CTTNBP2: variants seen among roughly 807,000 people sequenced by gnomAD.
CTTNBP2 encodes the protein cortactin binding protein 2.
In CTTNBP2, 108 loss-of-function variants were observed where a neutral mutation model predicts 156.9. The observed-to-expected ratio is 0.69, with a 90% CI of 0.59 to 0.81. The LOEUF is 0.81. CTTNBP2 is among the 30% of genes least tolerant of loss of function. The pLI is 0.00. For missense variants in CTTNBP2, 1,924 were observed against 2,035.4 expected (o/e 0.95, Z 1.05); for synonymous variants, 767 against 751.8 (o/e 1.02, Z -0.33).
Position 117,866,413 on chromosome 7 carries a change from G to A in CTTNBP2, c.82-5097C>T, listed in dbSNP as rs557405604. On this transcript the variant is annotated intron_variant, in intron 1 of 22. Transcript: ENST00000160373. ...CTCAGATCTTTCCTCAAACACATCC[G>A]TCCTATCAGGGCTGCTGGGGGATAT... 8.5e-5 allele frequency among the ~76,000 whole-genome samples: 13 copies of A among 152,088 alleles called. No homozygotes were observed. The East Asian group carries it at 2.1e-3, about 25-fold the overall frequency.
chr7:117,766,777 T>C (rs575427661), intron 9 of CTTNBP2, among the ~76,000 whole-genome samples: 7 of 152,132 alleles, frequency 4.6e-5, no homozygotes, highest in Non-Finnish European at 7.4e-5. Flanking sequence ...AGAAAGACAA[T>C]CTAAGTCAGA....
At chr7:117,735,559 G>A (rs1396854976) in intron 14 of CTTNBP2, 138 bp from the exon 15 acceptor site, 1 of 701,194 alleles carries the variant, frequency 1.4e-6, no homozygotes, top group Non-Finnish European at 2.4e-6. Flanking sequence ...TGCTTGGGGA[G>A]TGAACAACTC....
Position 117,734,908 on chromosome 7 carries a change from G to C in CTTNBP2, c.3876+5C>G. 1.3e-6 allele frequency: 2 copies of C among 1,582,018 alleles called. No individual in the cohort carries two copies. Among genetic ancestry groups the C allele is most frequent in the Non-Finnish European group, 1.7e-6 (2 of 1,159,800 alleles). On this transcript the variant is annotated splice_donor_5th_base_variant and intron_variant, in intron 16 of 22. Coordinates refer to ENST00000160373, the MANE Select transcript of CTTNBP2 (RefSeq NM_033427.3). ...TGGCAACAGGCTGCACTTGCTGTTT[G>C]TTACCTTATTCACAACTTTCCTTCG...
At chr7:117,843,270 G>A (rs1286648960) in intron 2 of CTTNBP2, among the ~76,000 whole-genome samples, 2 of 152,132 alleles carry the variant, frequency 1.3e-5, no homozygotes, top group Non-Finnish European at 2.9e-5. Flanking sequence ...GTTCTAGGGG[G>A]TCCTGAAACC....
intron 2 of CTTNBP2, among the ~76,000 whole-genome samples, chr7:117,830,455 A>G (rs1010030282): frequency 6.6e-6 from 1 of 152,232 alleles, no homozygotes; most frequent in African/African-American, 2.4e-5. Flanking sequence ...TAGCTTGTGA[A>G]TGAGTGAACA....
intron 2 of CTTNBP2, among the ~76,000 whole-genome samples, chr7:117,819,036 C>T (rs191235919): frequency 1.4e-3 from 211 of 152,210 alleles, no homozygotes; most frequent in African/African-American, 4.6e-3. Context: ...TGTTATATCC[C>T]TCTCAAACCC....
intron 14 of CTTNBP2, among the ~76,000 whole-genome samples, chr7:117,744,486 C>T (rs928229973): frequency 3.3e-5 from 5 of 152,210 alleles, no homozygotes; most frequent in African/African-American, 1.2e-4. Flanking sequence ...TCTCTAGTTC[C>T]ATCCGTGTTG....
intron 1 of CTTNBP2, chr7:117,872,015 G>A: frequency 1.0e-6 from 1 of 961,306 alleles, no homozygotes; most frequent in African/African-American, 1.8e-5. Flanking sequence ...TCACATAAGT[G>A]GGCAGGTTTC....
chr7:117,750,321 T>C (rs2116588020), intron 12 of CTTNBP2, among the ~76,000 whole-genome samples: 1 of 152,320 alleles, frequency 6.6e-6, no homozygotes, highest in South Asian at 2.1e-4. Context: ...TGTAGGTTTT[T>C]AGGAAACACA....
At chr7:117,742,833 C>T (rs1398467718) in intron 14 of CTTNBP2, among the ~76,000 whole-genome samples, 2 of 152,226 alleles carry the variant, frequency 1.3e-5, no homozygotes, top group Non-Finnish European at 2.9e-5. Flanking sequence ...ACCTGGATTT[C>T]TGGCTTCTTC....
chr7:117,727,591 TACTAAACTGGATG>T (rs1795163729), intron 17 of CTTNBP2, among the ~76,000 whole-genome samples: 1 of 152,228 alleles, frequency 6.6e-6, no homozygotes, highest in Non-Finnish European at 1.5e-5. Flanking sequence ...ACAGAACCAT[TACTAAACTGGATG>T]GTAACAAATT....
At chr7:117,860,452 C>T (rs1803646825) in intron 2 of CTTNBP2, among the ~76,000 whole-genome samples, 1 of 151,936 alleles carries the variant, frequency 6.6e-6, no homozygotes, top group Non-Finnish European at 1.5e-5. Flanking sequence ...ACGCCATTCT[C>T]CTGCCTCAGC....
At chr7:117,730,644 A>G (rs1362512482) in intron 16 of CTTNBP2, among the ~76,000 whole-genome samples, 4 of 152,248 alleles carry the variant, frequency 2.6e-5, no homozygotes, top group African/African-American at 7.2e-5. Flanking sequence ...AGACGCTTGT[A>G]CACAGTGACT....
chr7:117,744,795 G>T (rs563063979), intron 14 of CTTNBP2, among the ~76,000 whole-genome samples: 2 of 152,294 alleles, frequency 1.3e-5, no homozygotes, highest in South Asian at 2.1e-4. Context: ...TACTCAGGAG[G>T]CTGAGGTGGA....
At chr7:117,718,142 G>T in intron 21 of CTTNBP2, 23 bp from the exon 22 acceptor site, 2 of 1,477,054 alleles carry the variant, frequency 1.4e-6, no homozygotes, top group Non-Finnish European at 1.9e-6. Context: ...GAATTTGCCC[G>T]GTCATGTCTC....
intron 2 of CTTNBP2, among the ~76,000 whole-genome samples, chr7:117,833,289 C>A (rs926349651): frequency 2.0e-5 from 3 of 152,190 alleles, no homozygotes; most frequent in African/African-American, 4.8e-5. Flanking sequence ...CTCTCTCTGC[C>A]TCCTGACTGA....
rs1165349172 is a variant in CTTNBP2, at chr7:117,735,394, G to C, written c.3563C>G (p.Pro1188Arg). 6.2e-7 allele frequency: 1 copy of C among 1,613,148 alleles called. No individual in the cohort carries two copies. The highest frequency in any genetic ancestry group is 1.3e-5 in the African/African-American group (1 of 74,844). ...AATGATGATGATTTTCTTCTTACTGGGAGATTGTTTCACTGGGATCAGACA... is the reference window on the plus strand; with the variant it reads ...AATGATGATGATTTTCTTCTTACTGCGAGATTGTTTCACTGGGATCAGACA... ...SACLIPVKQS[P>R]SKKKIIIILE... Residue 1188 changes from proline (P) to arginine (R), a missense_variant, in exon 15 of 23, where the codon CCC becomes CGC. Physicochemically the swap from Pro to Arg is moderately radical, Grantham distance 103. Transcript: ENST00000160373.
chr7:117,819,870 CTTTGA>C (rs1389207962), intron 2 of CTTNBP2, among the ~76,000 whole-genome samples: 3 of 152,170 alleles, frequency 2.0e-5, no homozygotes, highest in Non-Finnish European at 4.4e-5. Context: ...CATACCAAGA[CTTTGA>C]TTTATTTTGT....
In CTTNBP2 at chr7:117,838,538, C is replaced by T. The variant is rs566455061; in HGVS notation, c.189+22671G>A. Among the ~76,000 whole-genome samples the T allele has an allele frequency of 2.6e-5, 4 of 152,214 alleles. No individual in the cohort carries two copies. In the East Asian group the frequency reaches 7.7e-4, roughly 29 times the overall value. ...TTTTAAAAATTCATTAACAGAGTAA[C>T]TCTGCATTAATCACAGGACTAATCT... On this transcript the variant is annotated intron_variant, in intron 2 of 22. Transcript: ENST00000160373.
Sources: gnomAD v4.1 joint callset for allele counts (sites outside exome capture counted in the v4.1 genomes callset) on GRCh38, gnomAD v4.1.1 for gene constraint, MANE v1.5 for transcripts, NCBI Gene and HGNC (gene_info 2026-07-23, HGNC 2026-07-21) for gene names.